The following BMPR1B variants were observed in gnomAD, a reference collection of about 807,000 sequenced individuals.
BMPR1B encodes the protein bone morphogenetic protein receptor type-1B.
BMPR1B carries 12 observed loss-of-function variants against 59.1 expected under a neutral mutation model. That is an observed-to-expected ratio of 0.20 (90% CI 0.13 to 0.33). BMPR1B has a LOEUF of 0.33. Among genes scored for constraint, BMPR1B ranks in the 10% least tolerant of loss-of-function variants. The probability of loss-of-function intolerance (pLI) is 1.00; values close to 1 mark genes in which losing one functional copy is unlikely to be tolerated. For missense variants in BMPR1B, 550 were observed against 610.9 expected (o/e 0.90, Z 1.05); for synonymous variants, 237 against 207.3 (o/e 1.14, Z -1.23).
chr4:94,940,382 C>T (rs1007942682), intron 2 of BMPR1B, among the ~76,000 whole-genome samples: 1 of 152,164 alleles, frequency 6.6e-6, no homozygotes, highest in Admixed American at 6.5e-5. Context: ...TGGCCCAAGA[C>T]AATGCATCCA....
chr4:94,793,315 G>C (rs867072744), intron 1 of BMPR1B, among the ~76,000 whole-genome samples: 1 of 151,342 alleles, frequency 6.6e-6, no homozygotes, highest in Non-Finnish European at 1.5e-5. Flanking sequence ...ATGATTTCCA[G>C]TTTCATCCAT....
At chr4:94,759,178 T>C (rs919543700) in intron 1 of BMPR1B, among the ~76,000 whole-genome samples, 3 of 152,204 alleles carry the variant, frequency 2.0e-5, no homozygotes, top group Non-Finnish European at 2.9e-5. Flanking sequence ...CTTGAGTTAT[T>C]AGAAACTGCT....
intron 4 of BMPR1B, among the ~76,000 whole-genome samples, chr4:95,106,047 A>G (rs1486264013): frequency 6.6e-6 from 1 of 152,006 alleles, no homozygotes; most frequent in Non-Finnish European, 1.5e-5. Context: ...TTTGATAGAA[A>G]GTGTTCAGTC....
chr4:95,012,385 AC>A (rs1171215390), intron 3 of BMPR1B, among the ~76,000 whole-genome samples: 4 of 152,356 alleles, frequency 2.6e-5, no homozygotes, highest in Admixed American at 2.0e-4. Flanking sequence ...TTAGAACCTT[AC>A]GTCTGTCAGA....
chr4:94,946,417 A>T (rs1357565543), intron 2 of BMPR1B, among the ~76,000 whole-genome samples: 1 of 152,164 alleles, frequency 6.6e-6, no homozygotes, highest in Admixed American at 6.6e-5. Flanking sequence ...TTTATATATC[A>T]CTTAACTAGA....
At chr4:94,987,695 C>A (rs533461570) in intron 2 of BMPR1B, among the ~76,000 whole-genome samples, 1 of 152,168 alleles carries the variant, frequency 6.6e-6, no homozygotes, top group Non-Finnish European at 1.5e-5. Context: ...TTTGACCCCC[C>A]CTCGAAAGAT....
At chr4:94,968,342 GT>G (rs201727597) in intron 2 of BMPR1B, among the ~76,000 whole-genome samples, 38 of 106,612 alleles carry the variant, frequency 3.6e-4, no homozygotes, top group South Asian at 1.4e-3. Flanking sequence ...TAAGTAAATA[GT>G]TTTTTTTGTT....
At chr4:95,131,580 G>C (rs1247117241) in intron 10 of BMPR1B, 68 bp downstream of exon 10, 59 of 1,536,988 alleles carry the variant, frequency 3.8e-5, no homozygotes, top group Non-Finnish European at 4.9e-5. Context: ...TTGTAGCGCA[G>C]TGCTTCTAGG....
chr4:95,117,885 A>G (rs1337260988), intron 6 of BMPR1B, among the ~76,000 whole-genome samples: 1 of 152,180 alleles, frequency 6.6e-6, no homozygotes, highest in Admixed American at 6.6e-5. Flanking sequence ...AGGAGGATGT[A>G]GGAATTTAGA....
chr4:95,116,421 GCACACACACACACACACA>G (rs35436544), intron 6 of BMPR1B, among the ~76,000 whole-genome samples: 5 of 123,198 alleles, frequency 4.1e-5, no homozygotes, highest in Non-Finnish European at 6.4e-5. Context: ...TTCAGCGCGC[GCACACACACACACACACA>G]CACACACACA....
intron 2 of BMPR1B, among the ~76,000 whole-genome samples, chr4:94,913,400 C>G (rs2149014846): frequency 6.6e-6 from 1 of 152,268 alleles, no homozygotes; most frequent in South Asian, 2.1e-4. Context: ...GAAAAAGTCA[C>G]TTCCTTTTGT....
intron 3 of BMPR1B, among the ~76,000 whole-genome samples, chr4:95,075,332 G>T (rs954453661): frequency 3.9e-5 from 6 of 152,230 alleles, no homozygotes; most frequent in Admixed American, 3.9e-4. Context: ...GAAAGTGACT[G>T]CTATACTTAT....
chr4:94,980,113 C>A (rs1731178457), intron 2 of BMPR1B, among the ~76,000 whole-genome samples: 2 of 152,254 alleles, frequency 1.3e-5, no homozygotes, highest in East Asian at 3.9e-4. Flanking sequence ...ATGGAAAATA[C>A]CAGAATAAGT....
At chr4:94,840,315 T>C (rs1265297848) in intron 1 of BMPR1B, among the ~76,000 whole-genome samples, 1 of 148,110 alleles carries the variant, frequency 6.8e-6, no homozygotes, top group African/African-American at 2.5e-5. Flanking sequence ...GCCTGCCTTG[T>C]TAGATTGGGG....
chr4:94,900,951 C>T (rs775730133), intron 2 of BMPR1B, among the ~76,000 whole-genome samples: 7 of 151,878 alleles, frequency 4.6e-5, no homozygotes, highest in Non-Finnish European at 1.0e-4. Context: ...TCAGACCTCC[C>T]GTGATGCTAA....
At chr4:94,855,470 C>G (rs1560517292) in intron 1 of BMPR1B, among the ~76,000 whole-genome samples, 1 of 152,182 alleles carries the variant, frequency 6.6e-6, no homozygotes, top group Non-Finnish European at 1.5e-5. Context: ...TTTTTCATCA[C>G]TATGAAACTA....
rs531968493 is a variant in BMPR1B at position 95,117,132 on chromosome 4, T to C, written c.349+1345T>C. On this transcript the variant is annotated intron_variant, in intron 6 of 12. Transcript: ENST00000515059. ...TAGAAGTGATACTTGAACAAGACTT[T>C]AAGGATGAAGAGGAGTGTGCTAAGT... Among the ~76,000 whole-genome samples the C allele has an allele frequency of 2.4e-3, 370 of 152,232 alleles. 1 individual carries two copies. The highest frequency in any genetic ancestry group is 3.9e-3 in the Non-Finnish European group (263 of 68,012).
intron 3 of BMPR1B, among the ~76,000 whole-genome samples, chr4:95,042,291 T>G (rs182866777): frequency 2.6e-5 from 4 of 152,336 alleles, no homozygotes; most frequent in Admixed American, 2.0e-4. Flanking sequence ...AGAAAATGAT[T>G]GCTTATTGAT....
At chr4:94,970,617 C>G (rs75178460) in intron 2 of BMPR1B, among the ~76,000 whole-genome samples, 5,691 of 152,086 alleles carry the variant, frequency 0.037, 359 homozygotes, top group African/African-American at 0.13. Context: ...CCGGCCTGTT[C>G]ATTTCTGTTT....
Sources: allele counts gnomAD v4.1 joint callset (sites outside exome capture counted in the v4.1 genomes callset), GRCh38; gene constraint gnomAD v4.1.1; transcripts MANE v1.5; gene names NCBI Gene and HGNC (gene_info 2026-07-23, HGNC 2026-07-21).